Variants in NECTIN1 observed in about 807,000 individuals in gnomAD.
NECTIN1 encodes the protein nectin-1.
In NECTIN1, 23 loss-of-function variants were observed where a neutral mutation model predicts 48.0. The ratio of observed to expected loss-of-function variants is 0.48; its 90% CI spans 0.34 to 0.68. NECTIN1 has a LOEUF of 0.68. Ranked by LOEUF, NECTIN1 falls within the 30% of genes least tolerant of loss-of-function variation. The pLI is 0.01. For missense variants in NECTIN1, 591 were observed against 709.9 expected, an observed-to-expected ratio of 0.83 and a Z score of 1.90; for synonymous variants, 270 against 288.9, an observed-to-expected ratio of 0.93 and a Z score of 0.66.
chr11:119,726,219 C>A (rs574633224), intron 1 of NECTIN1, among the ~76,000 whole-genome samples: 14 of 152,180 alleles, frequency 9.2e-5, no homozygotes, highest in Admixed American at 3.3e-4. Flanking sequence ...CCTAGAGAGA[C>A]GCTATAGCGG....
At position 119,684,750 on chromosome 11, in the gene NECTIN1, G is replaced by C. The variant is rs1865126135; in HGVS notation, c.80-5985C>G. ...CCAGCTCCGCCTGGGAGAGAGGCCG[G>C]TGTGGAGGAGCGTGCAATCAGGACA... On this transcript the variant is annotated intron_variant, in intron 1 of 5. Coordinates refer to ENST00000264025, the MANE Select transcript of NECTIN1 (RefSeq NM_002855.5). The surrounding 1 kb of genome is among the most constrained non-coding windows in gnomAD (Gnocchi z 5.2). Among the ~76,000 whole-genome samples, 1 of 152,230 alleles carries C rather than the reference G, an allele frequency of 6.6e-6. No individual in the cohort carries two copies. Among genetic ancestry groups the C allele is most frequent in the Non-Finnish European group, 1.5e-5 (1 of 68,036 alleles).
At position 119,648,391 on chromosome 11, in the gene NECTIN1, GTGA is replaced by G. The variant is rs1565376807; in HGVS notation, c.1004-8382_1004-8380del. On this transcript the variant is annotated intron_variant, in intron 5 of 7. Coordinates refer to the NECTIN1 transcript ENST00000341398. ...GATGGTGGTGATGGTGGTGGTGGTG[GTGA>G]TGGTGGTGATGGTGATGGTGGTGGT... is the stretch of plus-strand genomic sequence containing the variant. Among the ~76,000 whole-genome samples the G allele has an allele frequency of 5.2e-4, 35 of 67,020 alleles. 1 individual carries two copies. The highest frequency in any genetic ancestry group is 7.9e-4 in the East Asian group (2 of 2,534). The allele number at this position is 67,020 out of a possible 152,430, so 44.0% of individuals were successfully genotyped here. A position where few individuals can be genotyped will look rare whatever the true frequency, so the allele number is the denominator to read the frequency against.
Position 119,684,758 on chromosome 11 carries a change from G to A in NECTIN1, c.80-5993C>T, listed in dbSNP as rs1463588894. 6.6e-6 allele frequency among the ~76,000 whole-genome samples: 1 copy of A among 152,192 alleles called. No homozygotes were observed. The highest frequency in any genetic ancestry group is 6.5e-5 in the Admixed American group (1 of 15,286). ...GCCTGGGAGAGAGGCCGGTGTGGAG[G>A]AGCGTGCAATCAGGACACCCACTTC... On this transcript the variant is annotated intron_variant, in intron 1 of 5. Coordinates refer to ENST00000264025, the MANE Select transcript of NECTIN1 (RefSeq NM_002855.5). This position sits in a 1 kb window ranked among gnomAD's most constrained non-coding sequence, Gnocchi z 5.2.
chr11:119,654,537 A>G (rs1864540000), intron 5 of NECTIN1, among the ~76,000 whole-genome samples: 1 of 83,190 alleles, frequency 1.2e-5, no homozygotes, highest in South Asian at 3.2e-4. Context: ...GGGAGATGGC[A>G]ATGTGTGTGT....
At chr11:119,667,921 T>G (rs1446667041) in intron 5 of NECTIN1, among the ~76,000 whole-genome samples, 2 of 151,996 alleles carry the variant, frequency 1.3e-5, no homozygotes, top group Non-Finnish European at 2.9e-5. Flanking sequence ...GCTCAAAGGG[T>G]CAGCAAAAAT....
chr11:119,657,614 T>TAA (rs58262698), downstream of NECTIN1, among the ~76,000 whole-genome samples: 23 of 37,702 alleles, frequency 6.1e-4, no homozygotes, highest in African/African-American at 1.2e-3. Context: ...ACTTTGTCTT[T>TAA]AAAAAAAAAA....
At chr11:119,656,106 G>T (rs1864568565), downstream of NECTIN1, among the ~76,000 whole-genome samples, 1 of 151,682 alleles carries the variant, frequency 6.6e-6, no homozygotes, top group Admixed American at 6.6e-5. Context: ...ATGTCACTCA[G>T]GCTAGTTTCA....
intron 1 of NECTIN1, among the ~76,000 whole-genome samples, chr11:119,717,743 A>G (rs954347365): frequency 1.3e-5 from 2 of 152,172 alleles, no homozygotes; most frequent in African/African-American, 4.8e-5. Flanking sequence ...AAAAGTGGCT[A>G]AGCTTGGGAG....
At chr11:119,716,860 A>G (rs188420229) in intron 1 of NECTIN1, among the ~76,000 whole-genome samples, 2 of 152,330 alleles carry the variant, frequency 1.3e-5, no homozygotes, top group South Asian at 2.1e-4. Flanking sequence ...ACGCGCGCGC[A>G]CGCACGCACG....
rs550207929 is a variant in NECTIN1, at chr11:119,699,501, G to A, written c.80-20736C>T. On this transcript the variant is annotated intron_variant, in intron 1 of 5. Transcript: ENST00000264025. ...GAGAGCAGAGGCCCCTGTCCCCAGC[G>A]GCCCGCCCCACCCCTGCAACTCTGG... Among the ~76,000 whole-genome samples, 30 of 46,268 alleles carry A rather than the reference G, an allele frequency of 6.5e-4. No individual in the cohort carries two copies. The South Asian group carries it at 0.029, about 45-fold the overall frequency. 30.4% of individuals were successfully genotyped at this position (46,268 alleles called of 152,430 possible). A position where few individuals can be genotyped will look rare whatever the true frequency, so the allele number is the denominator to read the frequency against.
Position 119,684,966 on chromosome 11 carries a change from C to T in NECTIN1, c.80-6201G>A, listed in dbSNP as rs1591464212. Among the ~76,000 whole-genome samples, 1 of 152,238 alleles carries T rather than the reference C, an allele frequency of 6.6e-6. No homozygotes were observed. The highest frequency in any genetic ancestry group is 1.9e-4 in the East Asian group (1 of 5,170). On this transcript the variant is annotated intron_variant, in intron 1 of 5. Coordinates refer to ENST00000264025, the MANE Select transcript of NECTIN1 (RefSeq NM_002855.5). This position sits in a 1 kb window ranked among gnomAD's most constrained non-coding sequence, Gnocchi z 5.2. ...CCTCCTGCCTCCAGACTCCCCTCTA[C>T]ACTCAGGATGGGGAGGAGGGCTCAG... is the stretch of plus-strand genomic sequence containing the variant.
At chr11:119,646,147 T>C (rs1376687285) in intron 5 of NECTIN1, among the ~76,000 whole-genome samples, 1 of 152,160 alleles carries the variant, frequency 6.6e-6, no homozygotes, top group Non-Finnish European at 1.5e-5. Flanking sequence ...GCAAAAAGCC[T>C]TTTCTCCTTG....
At chr11:119,657,730 G>C (rs2135536784), downstream of NECTIN1, among the ~76,000 whole-genome samples, 1 of 123,448 alleles carries the variant, frequency 8.1e-6, no homozygotes, top group South Asian at 2.5e-4. Context: ...GGAGACCCCT[G>C]TCTCTATAAA....
In NECTIN1 at chr11:119,675,253, C is replaced by T; in HGVS notation, c.909G>A (p.Lys303=). The T allele has an allele frequency of 6.2e-7, 1 of 1,614,096 alleles. No individual in the cohort carries two copies. The highest frequency in any genetic ancestry group is 8.5e-7 in the Non-Finnish European group (1 of 1,180,032). ...VEAQNRTLFF[K]GPINYSLAGT... ...CTGCCAGGCTGTAGTTGATGGGTCC[C>T]TTGAAGAAGAGGGTTCTGTTCTGGG... The change falls in exon 5 of 6, where the codon AAG becomes AAA. Residue 303 remains lysine, a synonymous_variant. Transcript: ENST00000264025.
intron 1 of NECTIN1, among the ~76,000 whole-genome samples, chr11:119,686,872 T>C (rs1452576005): frequency 6.6e-6 from 1 of 152,052 alleles, no homozygotes; most frequent in Non-Finnish European, 1.5e-5. Context: ...CATACGGAGT[T>C]TGGAAAAGGC....
chr11:119,716,338 T>G (rs1865742639), intron 1 of NECTIN1, among the ~76,000 whole-genome samples: 2 of 151,686 alleles, frequency 1.3e-5, no homozygotes, highest in African/African-American at 4.8e-5. Flanking sequence ...AGACTGGGAG[T>G]CCCTCCCAGT....
intron 1 of NECTIN1, among the ~76,000 whole-genome samples, chr11:119,712,141 T>C (rs1865660259): frequency 6.6e-6 from 1 of 152,056 alleles, no homozygotes; most frequent in Admixed American, 6.6e-5. Flanking sequence ...TGCGCACAGG[T>C]CAGGCTGAAA....
At position 119,677,933 on chromosome 11, in the gene NECTIN1, A is replaced by G. The variant is rs2135551920; in HGVS notation, c.431-76T>C. Reference sequence around the variant, plus strand: ...GATGCACCGGCCAAAAGGGCGTGGCATCCGTCAGGCCTTGTCTTCAGGTCC... The same window carrying G: ...GATGCACCGGCCAAAAGGGCGTGGCGTCCGTCAGGCCTTGTCTTCAGGTCC... On this transcript the variant is annotated intron_variant, in intron 2 of 5. Coordinates refer to ENST00000264025, the MANE Select transcript of NECTIN1 (RefSeq NM_002855.5). This position sits in a 1 kb window ranked among gnomAD's most constrained non-coding sequence, Gnocchi z 5.4. The G allele has an allele frequency of 6.8e-7, 1 of 1,462,712 alleles. No homozygotes were observed. The highest frequency in any genetic ancestry group is 1.4e-5 in the African/African-American group (1 of 71,872). 90.6% of individuals were successfully genotyped at this position (1,462,712 alleles called of 1,614,324 possible). A position where few individuals can be genotyped will look rare whatever the true frequency, so the allele number is the denominator to read the frequency against.
Position 119,661,844 on chromosome 11 carries a change from A to C in NECTIN1, c.*2903T>G, listed in dbSNP as rs570532823. On this transcript the variant is annotated 3_prime_UTR_variant, in exon 6 of 6. Transcript: ENST00000264025. ...TGGCTGTGCATGCATGCGTGTGTAC[A>C]TGCGTGTACACATGCCTGCGCGTGG... 1.5e-4 allele frequency: 145 copies of C among 985,152 alleles called. No individual in the cohort carries two copies. Among genetic ancestry groups the C allele is most frequent in the Admixed American group, 5.5e-4 (9 of 16,258 alleles). 61.0% of individuals were successfully genotyped at this position (985,152 alleles called of 1,614,324 possible). A position where few individuals can be genotyped will look rare whatever the true frequency, so the allele number is the denominator to read the frequency against.
Sources: gnomAD v4.1 joint callset for allele counts (sites outside exome capture counted in the v4.1 genomes callset) on GRCh38, gnomAD v4.1.1 for gene constraint, Gnocchi (gnomAD v3.1) non-coding constraint, MANE v1.5 for transcripts, NCBI Gene and HGNC (gene_info 2026-07-23, HGNC 2026-07-21) for gene names.